Variants in ARSG observed in about 807,000 individuals in gnomAD.
ARSG encodes the protein ASG.
Under a neutral mutation model 50.5 loss-of-function variants are expected in ARSG, and 37 were observed. That is an observed-to-expected ratio of 0.73 (90% CI 0.56 to 0.96). The LOEUF (loss-of-function observed/expected upper bound fraction) is 0.96. Among genes scored for constraint, ARSG ranks in the 50% least tolerant of loss-of-function variants. The pLI is 0.00. For missense variants in ARSG, 629 were observed against 675.3 expected (o/e 0.93, Z 0.76); for synonymous variants, 225 against 254.6 (o/e 0.88, Z 1.11).
At position 68,401,367 on chromosome 17, in the gene ARSG, T is replaced by C; in HGVS notation, c.1220T>C (p.Phe407Ser). 1 of 1,614,014 alleles carries C rather than the reference T, an allele frequency of 6.2e-7. No homozygotes were observed. Among genetic ancestry groups the C allele is most frequent in the Non-Finnish European group, 8.5e-7 (1 of 1,179,890 alleles). ...TCTGCCACCCTTTCTCAGGTGCTGT[T>C]CCACCCCAACAGCGGGGCAGCTGGA... ...GRSQPGHRVL[F>S]HPNSGAAGEF... is the part of the protein sequence containing the mutation. Residue 407 changes from phenylalanine (F) to serine (S), a missense_variant, in exon 11 of 12, where the codon TTC (phenylalanine) becomes TCC (serine). Phe to Ser is a radical substitution (Grantham distance 155). Transcript: ENST00000621439.
chr17:68,398,057 G>C (rs765362864), intron 10 of ARSG, among the ~76,000 whole-genome samples: 1 of 152,180 alleles, frequency 6.6e-6, no homozygotes, highest in African/African-American at 2.4e-5. Context: ...GTGAGCCACT[G>C]TGCCTGGGCT....
chr17:68,328,840 C>A (rs1454254051), intron 2 of ARSG, among the ~76,000 whole-genome samples: 1 of 151,378 alleles, frequency 6.6e-6, no homozygotes, highest in Non-Finnish European at 1.5e-5. Context: ...GCTTTCCCAC[C>A]AGACTGGAAG....
intron 8 of ARSG, among the ~76,000 whole-genome samples, chr17:68,371,411 A>G (rs997465251): frequency 3.3e-5 from 5 of 151,164 alleles, no homozygotes; most frequent in African/African-American, 1.2e-4. Flanking sequence ...CAGGTTTTCC[A>G]CTGAAGTTAA....
At chr17:68,304,101 C>T (rs1440244383) in intron 1 of ARSG, among the ~76,000 whole-genome samples, 1 of 152,150 alleles carries the variant, frequency 6.6e-6, no homozygotes, top group East Asian at 1.9e-4. Flanking sequence ...AAGTCTTGTA[C>T]ATGGGATCCA....
chr17:68,421,819 A>G, downstream of ARSG: 2 of 1,614,170 alleles, frequency 1.2e-6, no homozygotes, highest in Non-Finnish European at 8.5e-7. Flanking sequence ...GCACAAGATT[A>G]TCTACCAAAA....
At chr17:68,279,010 C>A (rs2075613164) in intron 1 of ARSG, among the ~76,000 whole-genome samples, 1 of 152,086 alleles carries the variant, frequency 6.6e-6, no homozygotes, top group Non-Finnish European at 1.5e-5. Flanking sequence ...TGGTATTGTA[C>A]ATGGGGCCTC....
intron 11 of ARSG, among the ~76,000 whole-genome samples, chr17:68,406,905 T>A (rs1385222588): frequency 6.6e-6 from 1 of 152,262 alleles, no homozygotes; most frequent in African/African-American, 2.4e-5. Context: ...TTGTTCTTAT[T>A]GCATTTGCTT....
At chr17:68,332,214 G>C (rs1293415304) in intron 2 of ARSG, among the ~76,000 whole-genome samples, 1 of 152,212 alleles carries the variant, frequency 6.6e-6, no homozygotes, top group African/African-American at 2.4e-5. Flanking sequence ...TCTCAGGGAT[G>C]TTCCTTGCTG....
intron 4 of ARSG, 59 bp from the exon 5 acceptor site, chr17:68,351,516 A>C: frequency 1.1e-6 from 1 of 900,794 alleles, no homozygotes; most frequent in Admixed American, 1.7e-5. Context: ...TGGGTGTACA[A>C]AGGCAAGCAC....
intron 2 of ARSG, among the ~76,000 whole-genome samples, chr17:68,312,266 A>ATT (rs2076891607): frequency 6.6e-6 from 1 of 152,164 alleles, no homozygotes. Flanking sequence ...GTAGTGGGCA[A>ATT]TTAATAAATA....
the ARSG span, chr17:68,433,455 G>A: frequency 3.8e-5 from 61 of 1,611,226 alleles, no homozygotes; most frequent in Non-Finnish European, 4.5e-5. Flanking sequence ...TTGGTGCCCC[G>A]CGGAGTACTT....
At chr17:68,308,505 A>G (rs1359170469) in intron 2 of ARSG, among the ~76,000 whole-genome samples, 1 of 152,018 alleles carries the variant, frequency 6.6e-6, no homozygotes, top group Admixed American at 6.5e-5. Flanking sequence ...GAAGCTGCAG[A>G]CCTTCATGGT....
chr17:68,430,269 A>C, the ARSG span: 1 of 1,129,896 alleles, frequency 8.9e-7, no homozygotes. Flanking sequence ...GCAGGGAGAG[A>C]CTGTGCCTTA....
At chr17:68,413,153 G>A (rs926565260) in intron 11 of ARSG, among the ~76,000 whole-genome samples, 5 of 152,084 alleles carry the variant, frequency 3.3e-5, no homozygotes, top group South Asian at 2.1e-4. Context: ...GCTTTGTTCC[G>A]TTGCTGGTGA....
chr17:68,424,547 T>C (rs1320695209), downstream of ARSG: 1 of 530,034 alleles, frequency 1.9e-6, no homozygotes, highest in African/African-American at 1.9e-5. Flanking sequence ...AGCTCCTCTC[T>C]GGCTCTAGGA....
intron 11 of ARSG, among the ~76,000 whole-genome samples, chr17:68,402,042 C>G (rs998712791): frequency 6.6e-6 from 1 of 152,168 alleles, no homozygotes; most frequent in African/African-American, 2.4e-5. Flanking sequence ...AACAAGTCTC[C>G]TCTTCCTTGG....
intron 11 of ARSG, among the ~76,000 whole-genome samples, chr17:68,408,231 G>A (rs910842389): frequency 3.3e-5 from 5 of 150,492 alleles, no homozygotes; most frequent in Admixed American, 6.6e-5. Context: ...CCATTAACTC[G>A]TCATCTAGCA....
At chr17:68,318,923 T>C (rs576831683) in intron 2 of ARSG, among the ~76,000 whole-genome samples, 33 of 152,328 alleles carry the variant, frequency 2.2e-4, no homozygotes, top group African/African-American at 7.7e-4. Context: ...TGATTTGTGT[T>C]CTCAGAATTG....
At chr17:68,429,172 G>A in the ARSG span, among the ~76,000 whole-genome samples, 1 of 152,184 alleles carries the variant, frequency 6.6e-6, no homozygotes, top group Non-Finnish European at 1.5e-5. Context: ...AGTGAGTGTA[G>A]ATGCTGCGAC....
Sources: allele counts gnomAD v4.1 joint callset (sites outside exome capture counted in the v4.1 genomes callset), GRCh38; gene constraint gnomAD v4.1.1; transcripts MANE v1.5; gene names NCBI Gene and HGNC (gene_info 2026-07-23, HGNC 2026-07-21).